Variants in TSC22D1 observed in about 807,000 individuals in gnomAD.
The protein encoded by TSC22D1 is TSC22 domain family member 1, also known as TSC22 domain family protein 1.
TSC22D1 carries 9 observed loss-of-function variants against 74.2 expected under a neutral mutation model. That is an observed-to-expected ratio of 0.12 (90% confidence interval 0.07 to 0.21). The LOEUF is 0.21. Ranked by LOEUF, TSC22D1 falls within the 10% of genes least tolerant of loss-of-function variation. The pLI is 1.00. For synonymous variants in TSC22D1, 586 were observed against 492.5 expected, an observed-to-expected ratio of 1.19 and a Z score of -2.51; for missense variants, 1,427 against 1,304.7, an observed-to-expected ratio of 1.09 and a Z score of -1.44.
chr13:44,507,893 A>G (rs1879511345), intron 1 of TSC22D1, among the ~76,000 whole-genome samples: 1 of 152,224 alleles, frequency 6.6e-6, no homozygotes, highest in African/African-American at 2.4e-5. Context: ...GACAGCACAA[A>G]GAGGGATCCT....
chr13:44,573,029 TC>T (rs1193974708), intron 1 of TSC22D1, 133 bp downstream of exon 1: 1 of 1,301,136 alleles, frequency 7.7e-7, no homozygotes, highest in Admixed American at 2.9e-5. Context: ...CTATAAAACT[TC>T]CCATAAAAAT....
At chr13:44,542,422 T>TAAA (rs1323342205) in intron 1 of TSC22D1, among the ~76,000 whole-genome samples, 1 of 152,100 alleles carries the variant, frequency 6.6e-6, no homozygotes, top group Non-Finnish European at 1.5e-5. Context: ...TGCATCCAAA[T>TAAA]CTTTATTTAT....
chr13:44,485,041 T>A (rs894117912), intron 1 of TSC22D1, among the ~76,000 whole-genome samples: 3 of 152,062 alleles, frequency 2.0e-5, no homozygotes, highest in African/African-American at 7.2e-5. Flanking sequence ...GTAAGATGAG[T>A]AGTACATAAA....
In TSC22D1 at chr13:44,532,258, C is replaced by G. The variant is rs141131925; in HGVS notation, c.2912+40905G>C. On this transcript the variant is annotated intron_variant, in intron 1 of 2. Coordinates refer to ENST00000458659, the MANE Select transcript of TSC22D1 (RefSeq NM_183422.4). ...TAGCCTAATTTTTAGAAACAAAATA[C>G]TTTTTCATATCACTATAATTTCTTT... is the stretch of plus-strand genomic sequence containing the variant. Among the ~76,000 whole-genome samples the G allele has an allele frequency of 1.6e-3, 251 of 152,246 alleles. 1 individual carries two copies. The highest frequency in any genetic ancestry group is 1.0e-3 in the South Asian group (5 of 4,828).
chr13:44,537,955 G>A, intron 1 of TSC22D1: 2 of 985,204 alleles, frequency 2.0e-6, no homozygotes, highest in Non-Finnish European at 2.4e-6. Context: ...AGCATTAGGT[G>A]ACTTTAAAAA....
chr13:44,441,955 T>TA (rs1040125980), intron 1 of TSC22D1, among the ~76,000 whole-genome samples: 9 of 151,788 alleles, frequency 5.9e-5, no homozygotes, highest in Admixed American at 2.0e-4. Context: ...TCACATAGGG[T>TA]AGGCACCAGT....
intron 1 of TSC22D1, among the ~76,000 whole-genome samples, chr13:44,570,405 T>A (rs542459269): frequency 1.2e-4 from 18 of 152,242 alleles, no homozygotes; most frequent in Non-Finnish European, 2.5e-4. Context: ...TTGCCCAGGC[T>A]GGTCTCAAAT....
rs778242099 is a variant in TSC22D1, at chr13:44,573,570, C to G, written c.2505G>C (p.Gln835His). The change falls in exon 1 of 3, where the codon CAG becomes CAC. Residue 835 changes from glutamine to histidine, a missense_variant. By Grantham distance (24) the Gln-to-His change is conservative. Coordinates refer to ENST00000458659, the MANE Select transcript of TSC22D1 (RefSeq NM_183422.4). ...PSASSISVTS[Q>H]VSSTGPSGMP... is the part of the protein sequence containing the mutation. ...TTCCAGAAGGACCAGTTGAACTAACCTGACTTGTAACAGAAATACTACTAG... is the reference window on the plus strand; with the variant it reads ...TTCCAGAAGGACCAGTTGAACTAACGTGACTTGTAACAGAAATACTACTAG... 1 of 1,614,082 alleles carries G rather than the reference C, an allele frequency of 6.2e-7. No homozygotes were observed. The highest frequency in any genetic ancestry group is 2.2e-5 in the East Asian group (1 of 44,900).
At chr13:44,471,077 T>C (rs4942333) in intron 1 of TSC22D1, among the ~76,000 whole-genome samples, 150,244 of 152,334 alleles carry the variant, frequency 0.99, 74,117 homozygotes, top group Middle Eastern at 1. Flanking sequence ...TAGCCAACTA[T>C]CTGGAAAACT....
Position 44,434,411 on chromosome 13 carries a change from C to T in TSC22D1, c.*215G>A. 1 of 1,356,246 alleles carries T rather than the reference C, an allele frequency of 7.4e-7. No homozygotes were observed. Among genetic ancestry groups the T allele is most frequent in the Non-Finnish European group, 9.4e-7 (1 of 1,062,674 alleles). 84.0% of individuals were successfully genotyped at this position (1,356,246 alleles called of 1,614,324 possible). A position where few individuals can be genotyped will look rare whatever the true frequency, so the allele number is the denominator to read the frequency against. On this transcript the variant is annotated 3_prime_UTR_variant, in exon 3 of 3. Coordinates refer to ENST00000458659, the MANE Select transcript of TSC22D1 (RefSeq NM_183422.4). ...GTCCCGGTATATCCATGCTAATTCT[C>T]GGATTAACCTTTAATTCACCCAACT...
chr13:44,456,142 G>T (rs1876607253), intron 1 of TSC22D1, among the ~76,000 whole-genome samples: 1 of 152,194 alleles, frequency 6.6e-6, no homozygotes. Context: ...CTCGCAGTGA[G>T]TGTTACAGCT....
rs943970981 is a variant in TSC22D1 at position 44,574,604 on chromosome 13, C to A, written c.1471G>T (p.Ala491Ser). Residue 491 changes from alanine to serine, a missense_variant, in exon 1 of 3, where the codon GCC (alanine) becomes TCC (serine). By Grantham distance (99) the Ala-to-Ser change is moderately conservative. Transcript: ENST00000458659. ...TGCTGCTGCACCACCACAGTAGGGG[C>A]TCCCATCTCTCCACTTCCCACACTC... ...TESVGSGEMG[A>S]PTVVVQQQQQ... 6.2e-7 allele frequency: 1 copy of A among 1,614,050 alleles called. No homozygotes were observed. The highest frequency in any genetic ancestry group is 8.5e-7 in the Non-Finnish European group (1 of 1,180,020).
rs768729147 is a variant in TSC22D1, at chr13:44,574,660, C to T, written c.1415G>A (p.Ser472Asn). 1.1e-5 allele frequency: 17 copies of T among 1,614,030 alleles called. No homozygotes were observed. The highest frequency in any genetic ancestry group is 1.4e-5 in the Non-Finnish European group (17 of 1,180,034). Residue 472 changes from serine (S) to asparagine (N), a missense_variant, in exon 1 of 3, where the codon AGT becomes AAT. By Grantham distance (46) the Ser-to-Asn change is conservative. Around this residue, in one of 3 missense-constraint regions of TSC22D1, gnomAD observed 1,343 missense variants for 1,191.5 expected, o/e 1.13. Coordinates refer to ENST00000458659, the MANE Select transcript of TSC22D1 (RefSeq NM_183422.4). ...RESTSGSSVS[S>N]SVSTLSHYTE... is the part of the protein sequence containing the mutation. ...ATAGTGACTCAGTGTGCTGACACTA[C>T]TGCTCACTGAACTCCCACTAGTGCT...
intron 1 of TSC22D1, among the ~76,000 whole-genome samples, chr13:44,557,148 G>GA (rs1009761458): frequency 7.2e-4 from 93 of 129,790 alleles, no homozygotes; most frequent in East Asian, 9.1e-4. Context: ...AGTCTCAAAG[G>GA]AAAAAAAAAA....
intron 1 of TSC22D1, chr13:44,536,574 G>T (rs931686505): frequency 1.4e-5 from 4 of 276,596 alleles, no homozygotes; most frequent in African/African-American, 2.3e-5. Context: ...CATTTCAACA[G>T]TTCTTATGAA....
intron 1 of TSC22D1, among the ~76,000 whole-genome samples, chr13:44,473,074 C>T (rs747636654): frequency 8.5e-5 from 13 of 152,150 alleles, no homozygotes; most frequent in Admixed American, 2.6e-4. Context: ...CTTTTTAAAA[C>T]GGAATTGCAG....
At chr13:44,508,575 C>T (rs1345266994) in intron 1 of TSC22D1, among the ~76,000 whole-genome samples, 1 of 152,190 alleles carries the variant, frequency 6.6e-6, no homozygotes, top group Non-Finnish European at 1.5e-5. Context: ...TTTCTCCATC[C>T]AACAGCCAGG....
chr13:44,443,924 AG>A lies in TSC22D1; in HGVS notation c.2913-7830del, dbSNP rs1297556051. Among the ~76,000 whole-genome samples, 4 of 152,298 alleles carry A rather than the reference AG, an allele frequency of 2.6e-5. No individual in the cohort carries two copies. The East Asian group carries it at 5.8e-4, about 22-fold the overall frequency. On this transcript the variant is annotated intron_variant, in intron 1 of 2. Transcript: ENST00000458659. ...TGTATAATCTAAAAGAAAGAATAAG[AG>A]GAAAAGGGGAATAAAGAATAGAATA...
At chr13:44,532,416 T>C (rs1247652589) in intron 1 of TSC22D1, among the ~76,000 whole-genome samples, 1 of 152,188 alleles carries the variant, frequency 6.6e-6, no homozygotes, top group African/African-American at 2.4e-5. Context: ...AGCACATCTG[T>C]AATGTGCTGG....
Sources: allele counts gnomAD v4.1 joint callset (sites outside exome capture counted in the v4.1 genomes callset), GRCh38; gene constraint gnomAD v4.1.1; regional missense constraint gnomAD v4.1.1; transcripts MANE v1.5; gene names NCBI Gene and HGNC (gene_info 2026-07-23, HGNC 2026-07-21).